Variants in SGMS1 observed in about 807,000 individuals in gnomAD.
SGMS1 encodes sphingomyelin synthase 1.
In SGMS1, 13 loss-of-function variants were observed where a neutral mutation model predicts 46.2. The ratio of observed to expected loss-of-function variants is 0.28; its 90% CI spans 0.18 to 0.45. The LOEUF is 0.45. SGMS1 is among the 20% of genes least tolerant of loss of function. The probability of loss-of-function intolerance (pLI) is 1.00; values close to 1 mark genes in which losing one functional copy is unlikely to be tolerated. For missense variants in SGMS1, 324 were observed against 519.9 expected, an observed-to-expected ratio of 0.62 and a Z score of 3.66; for synonymous variants, 203 against 187.8, an observed-to-expected ratio of 1.08 and a Z score of -0.66.
intron 6 of SGMS1, among the ~76,000 whole-genome samples, chr10:50,419,002 T>G (rs1195846171): frequency 6.6e-6 from 1 of 152,228 alleles, no homozygotes; most frequent in Non-Finnish European, 1.5e-5. Context: ...ATTCTGAGAT[T>G]GTTAAAATTG....
At chr10:50,341,806 CT>C (rs1564880924) in intron 7 of SGMS1, among the ~76,000 whole-genome samples, 1 of 152,000 alleles carries the variant, frequency 6.6e-6, no homozygotes, top group African/African-American at 2.4e-5. Flanking sequence ...AATCATAAAG[CT>C]TAAAGAGAAA....
At chr10:50,405,560 A>C (rs1388854842) in intron 6 of SGMS1, among the ~76,000 whole-genome samples, 1 of 152,198 alleles carries the variant, frequency 6.6e-6, no homozygotes, top group Non-Finnish European at 1.5e-5. Flanking sequence ...GAGAAGAAAA[A>C]TCTTTGAAAA....
intron 8 of SGMS1, among the ~76,000 whole-genome samples, chr10:50,314,275 C>T (rs749103173): frequency 5.3e-5 from 8 of 151,896 alleles, no homozygotes; most frequent in Non-Finnish European, 8.8e-5. Flanking sequence ...AGCACAAGGA[C>T]GGCGAGGCTT....
chr10:50,335,453 T>C (rs1318130851), intron 7 of SGMS1: 1 of 152,254 alleles, frequency 6.6e-6, no homozygotes, highest in Admixed American at 6.5e-5. Context: ...ACTATAATTT[T>C]CATTTTGTAG....
intron 5 of SGMS1, among the ~76,000 whole-genome samples, chr10:50,446,430 C>A (rs928060277): frequency 6.6e-6 from 1 of 152,020 alleles, no homozygotes; most frequent in African/African-American, 2.4e-5. Flanking sequence ...AGAAAAGGAC[C>A]CATATCGAAT....
intron 2 of SGMS1, among the ~76,000 whole-genome samples, chr10:50,558,165 A>G (rs1287656623): frequency 6.6e-6 from 1 of 152,166 alleles, no homozygotes; most frequent in Non-Finnish European, 1.5e-5. Flanking sequence ...GTATGCTAGT[A>G]ACCAACACAC....
chr10:50,571,580 T>C (rs1838336842), intron 2 of SGMS1, among the ~76,000 whole-genome samples: 1 of 152,172 alleles, frequency 6.6e-6, no homozygotes, highest in Admixed American at 6.5e-5. Context: ...TATAGTAATA[T>C]ATAATAGAAT....
intron 3 of SGMS1, among the ~76,000 whole-genome samples, chr10:50,498,467 A>C (rs560043031): frequency 4.6e-5 from 7 of 152,156 alleles, no homozygotes; most frequent in Admixed American, 1.3e-4. Flanking sequence ...TGTACCTATT[A>C]AACAGTAACT....
At chr10:50,481,085 C>T (rs1837472232) in intron 3 of SGMS1, among the ~76,000 whole-genome samples, 1 of 152,258 alleles carries the variant, frequency 6.6e-6, no homozygotes, top group Non-Finnish European at 1.5e-5. Flanking sequence ...TCTTTCCTGC[C>T]TGCTGGCTCT....
intron 6 of SGMS1, among the ~76,000 whole-genome samples, chr10:50,399,623 T>C (rs1431651010): frequency 6.6e-6 from 1 of 152,198 alleles, no homozygotes; most frequent in Non-Finnish European, 1.5e-5. Context: ...TACCTATATA[T>C]GTACAATGTG....
At chr10:50,587,655 G>A (rs1838499361) in intron 2 of SGMS1, among the ~76,000 whole-genome samples, 2 of 151,306 alleles carry the variant, frequency 1.3e-5, no homozygotes, top group Non-Finnish European at 3.0e-5. Flanking sequence ...GTGTGTGTGT[G>A]TGTGTGTGTG....
At chr10:50,484,070 CA>C (rs1473122775) in intron 3 of SGMS1, among the ~76,000 whole-genome samples, 1 of 151,654 alleles carries the variant, frequency 6.6e-6, no homozygotes, top group African/African-American at 2.4e-5. Flanking sequence ...GATAGAGATG[CA>C]AAAAAACCCT....
intron 6 of SGMS1, among the ~76,000 whole-genome samples, chr10:50,376,108 A>G (rs748803297): frequency 1.3e-5 from 2 of 152,176 alleles, no homozygotes; most frequent in Non-Finnish European, 2.9e-5. Flanking sequence ...ATGCAAAACA[A>G]ATTTGTTTTT....
At chr10:50,342,846 C>T (rs562645421) in intron 7 of SGMS1, 1 of 152,354 alleles carries the variant, frequency 6.6e-6, no homozygotes, top group East Asian at 1.9e-4. Context: ...ACACCTGGAA[C>T]TAAGTGGGAG....
upstream of SGMS1, chr10:50,624,579 A>G: frequency 1.0e-6 from 1 of 985,170 alleles, no homozygotes; most frequent in South Asian, 4.7e-5. Context: ...CGACTGCGTC[A>G]GAGCCGCCCC....
intron 6 of SGMS1, among the ~76,000 whole-genome samples, chr10:50,387,494 G>A (rs946027817): frequency 6.6e-6 from 1 of 152,126 alleles, no homozygotes; most frequent in Admixed American, 6.6e-5. Context: ...TATTCTCCCT[G>A]TAAGAAGATT....
chr10:50,374,147 A>T (rs569157446), intron 6 of SGMS1, among the ~76,000 whole-genome samples: 53 of 152,332 alleles, frequency 3.5e-4, no homozygotes, highest in African/African-American at 1.3e-3. Flanking sequence ...ATATTTACAA[A>T]AGCCAAATCA....
Position 50,535,232 on chromosome 10 carries a change from A to AAACAACAAC in SGMS1, c.-588-15320_-588-15312dup, listed in dbSNP as rs56048855. Among the ~76,000 whole-genome samples the AAACAACAAC allele has an allele frequency of 1.8e-3, 268 of 151,358 alleles. 1 individual carries two copies. Among genetic ancestry groups the AAACAACAAC allele is most frequent in the African/African-American group, 6.2e-3 (255 of 41,282 alleles). On this transcript the variant is annotated intron_variant, in intron 2 of 10. Coordinates refer to ENST00000361781, the MANE Select transcript of SGMS1 (RefSeq NM_147156.4). ...GGTGAGAAAGTGAGAGTCCATCTCAAAACAACAACAACAACAACTATCATC... is the reference window on the plus strand; with the variant it reads ...GGTGAGAAAGTGAGAGTCCATCTCAAAACAACAACAACAACAACAACAACAACTATCATC...
intron 6 of SGMS1, among the ~76,000 whole-genome samples, chr10:50,394,227 A>T (rs1282616159): frequency 6.6e-6 from 1 of 152,220 alleles, no homozygotes; most frequent in African/African-American, 2.4e-5. Context: ...TACAGGCCAA[A>T]TCTAGCAACT....
Sources: allele counts gnomAD v4.1 joint callset (sites outside exome capture counted in the v4.1 genomes callset), GRCh38; gene constraint gnomAD v4.1.1; transcripts MANE v1.5; gene names NCBI Gene and HGNC (gene_info 2026-07-23, HGNC 2026-07-21).